Variants in INSL6 observed in about 807,000 individuals in gnomAD.
INSL6 encodes insulin-like peptide INSL6.
Under a neutral mutation model 9.4 loss-of-function variants are expected in INSL6, and 16 were observed. The observed-to-expected ratio is 1.70, with a 90% CI of 1.15 to 2.59. INSL6 has a LOEUF of 2.59. INSL6 is among the 30% of genes most tolerant of loss of function. The pLI, the probability that INSL6 is intolerant of heterozygous loss-of-function variation, is 0.00. For synonymous variants in INSL6, 154 were observed against 96.9 expected (o/e 1.59, Z -3.46); for missense variants, 391 against 257.3 (o/e 1.52, Z -3.56).
At chr9:5,167,712 G>T (rs2094619) in intron 1 of INSL6, among the ~76,000 whole-genome samples, 1 of 151,956 alleles carries the variant, frequency 6.6e-6, no homozygotes, top group South Asian at 2.1e-4. Context: ...GGAGATTTCT[G>T]CCAGCACAAC....
the INSL6 span, among the ~76,000 whole-genome samples, chr9:5,040,008 A>G: frequency 2.0e-5 from 3 of 152,232 alleles, no homozygotes; most frequent in African/African-American, 2.4e-5. Context: ...AGCTAAAACA[A>G]TCTTGAAACA....
chr9:5,135,172 C>G (rs1440359526), intron 2 of INSL6, among the ~76,000 whole-genome samples: 2 of 152,066 alleles, frequency 1.3e-5, no homozygotes, highest in Non-Finnish European at 2.9e-5. Context: ...CAGGAGCACC[C>G]AGATCCATAA....
chr9:4,996,475 A>T, the INSL6 span, among the ~76,000 whole-genome samples: 1 of 152,052 alleles, frequency 6.6e-6, no homozygotes, highest in South Asian at 2.1e-4. Context: ...AATAAATAAA[A>T]ATAAATACAT....
intron 1 of INSL6, among the ~76,000 whole-genome samples, chr9:5,182,215 G>A (rs1458543450): frequency 1.3e-5 from 2 of 152,090 alleles, no homozygotes; most frequent in Non-Finnish European, 2.9e-5. Flanking sequence ...ATGCACATGA[G>A]TATTATGCAG....
At chr9:5,020,899 C>T in the INSL6 span, among the ~76,000 whole-genome samples, 8 of 152,116 alleles carry the variant, frequency 5.3e-5, no homozygotes, top group African/African-American at 1.9e-4. Flanking sequence ...GTGGGTTGGG[C>T]TTTAAAAATG....
In INSL6 at chr9:5,185,376, C is replaced by T. The variant is rs759594828; in HGVS notation, c.227G>A (p.Ser76Asn). 6.2e-7 allele frequency: 1 copy of T among 1,614,148 alleles called. No individual in the cohort carries two copies. Among genetic ancestry groups the T allele is most frequent in the East Asian group, 2.2e-5 (1 of 44,876 alleles). ...AQASEKVEAY[S>N]PYQFESPQTA... ...TTGCGGGCTTTCGAACTGGTATGGG[C>T]TGTAGGCTTCGACCTTCTCCGAGGC... The change falls in exon 1 of 2, where the codon AGC (serine) becomes AAC (asparagine). Residue 76 changes from serine (S) to asparagine (N), a missense_variant. Transcript: ENST00000381641.
the INSL6 span, among the ~76,000 whole-genome samples, chr9:5,024,484 T>C: frequency 5.7e-4 from 87 of 152,224 alleles, no homozygotes; most frequent in Non-Finnish European, 1.0e-4. Context: ...CCCTTCCTGC[T>C]TGTGCTGACT....
chr9:5,169,259 G>T (rs1279576313), intron 1 of INSL6, among the ~76,000 whole-genome samples: 1 of 151,898 alleles, frequency 6.6e-6, no homozygotes, highest in Non-Finnish European at 1.5e-5. Flanking sequence ...CTATAATACT[G>T]TATCTGGCCA....
chr9:5,078,232 G>T, the INSL6 span: 5 of 1,207,446 alleles, frequency 4.1e-6, no homozygotes, highest in Non-Finnish European at 5.8e-6. Context: ...AATCTGTTTT[G>T]GGGGCTTGAA....
At chr9:5,135,704 T>C (rs1378008470) in intron 2 of INSL6, among the ~76,000 whole-genome samples, 3 of 151,624 alleles carry the variant, frequency 2.0e-5, no homozygotes, top group Non-Finnish European at 2.9e-5. Flanking sequence ...AACATCACAA[T>C]TAAAAGAACT....
chr9:5,033,712 G>A, the INSL6 span, among the ~76,000 whole-genome samples: 6 of 152,258 alleles, frequency 3.9e-5, no homozygotes, highest in East Asian at 1.2e-3. Flanking sequence ...TCACCACCAG[G>A]CCTGCCCTAA....
intron 1 of INSL6, among the ~76,000 whole-genome samples, chr9:5,176,065 T>C (rs1468728955): frequency 6.6e-6 from 1 of 152,172 alleles, no homozygotes; most frequent in Non-Finnish European, 1.5e-5. Context: ...TATTTTATCA[T>C]GTCTGCCTAT....
At chr9:5,063,753 T>C in the INSL6 span, among the ~76,000 whole-genome samples, 1 of 152,218 alleles carries the variant, frequency 6.6e-6, no homozygotes, top group Non-Finnish European at 1.5e-5. Flanking sequence ...AAATGGGGCT[T>C]TTTTCATTAT....
chr9:5,167,156 G>A (rs1041903573), intron 1 of INSL6, among the ~76,000 whole-genome samples: 2 of 152,186 alleles, frequency 1.3e-5, no homozygotes, highest in East Asian at 1.9e-4. Flanking sequence ...GCCACACAGG[G>A]CAAAGGGAGC....
chr9:5,139,691 T>C (rs576091763), intron 2 of INSL6, among the ~76,000 whole-genome samples: 41 of 152,292 alleles, frequency 2.7e-4, no homozygotes, highest in Admixed American at 9.2e-4. Context: ...AGAAGCTAAG[T>C]CCAAAGAGGT....
the INSL6 span, chr9:5,085,289 TAGAAC>T: frequency 1.4e-6 from 1 of 713,966 alleles, no homozygotes; most frequent in South Asian, 1.4e-5. Flanking sequence ...TTGCCTATGT[TAGAAC>T]ATGAGGTGAA....
At chr9:4,993,130 T>C in the INSL6 span, among the ~76,000 whole-genome samples, 1 of 152,180 alleles carries the variant, frequency 6.6e-6, no homozygotes, top group Admixed American at 6.5e-5. Context: ...ACTTCCTGTG[T>C]GTAAGTTTAT....
the INSL6 span, chr9:5,091,003 C>T: frequency 3.7e-5 from 35 of 951,008 alleles, no homozygotes; most frequent in Middle Eastern, 3.4e-4. Context: ...TCTATATTTA[C>T]AGTAACAGTG....
chr9:5,111,360 C>G, the INSL6 span: 1 of 344,296 alleles, frequency 2.9e-6, no homozygotes, highest in South Asian at 2.1e-5. Context: ...CCGGTACTAC[C>G]CCTCCTACGC....
Sources: allele counts gnomAD v4.1 joint callset (sites outside exome capture counted in the v4.1 genomes callset), GRCh38; gene constraint gnomAD v4.1.1; transcripts MANE v1.5; gene names NCBI Gene and HGNC (gene_info 2026-07-23, HGNC 2026-07-21).